Variants in BABAM2 observed in about 807,000 individuals in gnomAD.
BABAM2 encodes BRISC and BRCA1 A complex member 2, also known as BRISC and BRCA1-A complex member 2.
In BABAM2, 31 loss-of-function variants were observed where a neutral mutation model predicts 54.7. The observed-to-expected ratio is 0.57, with a 90% CI of 0.43 to 0.77. The LOEUF is 0.77. Among genes scored for constraint, BABAM2 ranks in the 30% least tolerant of loss-of-function variants. BABAM2 has a pLI of 0.00. For missense variants in BABAM2, 364 were observed against 455.8 expected (o/e 0.80, Z 1.83); for synonymous variants, 167 against 162.9 (o/e 1.03, Z -0.19).
intron 5 of BABAM2, among the ~76,000 whole-genome samples, chr2:28,041,529 C>A (rs147159512): frequency 7.8e-4 from 119 of 152,284 alleles, no homozygotes; most frequent in African/African-American, 2.7e-3. Context: ...TGCACATCCT[C>A]CAGGGGTTTA....
chr2:28,086,135 G>T (rs530938533), intron 6 of BABAM2, among the ~76,000 whole-genome samples: 1 of 152,246 alleles, frequency 6.6e-6, no homozygotes, highest in South Asian at 2.1e-4. Context: ...GACAGGATAT[G>T]CCCAAGTGCA....
At chr2:28,061,516 C>T (rs149640320) in intron 6 of BABAM2, among the ~76,000 whole-genome samples, 5,831 of 143,314 alleles carry the variant, frequency 0.041, 386 homozygotes, top group African/African-American at 0.14. Flanking sequence ...ACCTGGGAGG[C>T]GGAGCTTGCA....
chr2:28,231,337 C>T (rs774169046), intron 7 of BABAM2, among the ~76,000 whole-genome samples: 1 of 152,178 alleles, frequency 6.6e-6, no homozygotes, highest in Non-Finnish European at 1.5e-5. Context: ...TGGCATTCCT[C>T]TACTTTGGAA....
chr2:28,167,377 A>T (rs561406483), intron 7 of BABAM2, among the ~76,000 whole-genome samples: 27 of 152,304 alleles, frequency 1.8e-4, no homozygotes, highest in African/African-American at 6.3e-4. Context: ...CTAAATCTTT[A>T]TTAATAACGG....
intron 10 of BABAM2, among the ~76,000 whole-genome samples, chr2:28,290,524 G>T (rs1687201400): frequency 6.6e-6 from 1 of 152,176 alleles, no homozygotes. Flanking sequence ...GTTCATTGAG[G>T]TTTTAATTTG....
chr2:28,003,850 A>G (rs1039183632), intron 4 of BABAM2, among the ~76,000 whole-genome samples: 16 of 152,196 alleles, frequency 1.1e-4, no homozygotes, highest in African/African-American at 3.9e-4. Context: ...GGCCAAAATG[A>G]CCAAGGACAA....
chr2:28,008,354 C>G (rs1340747401), intron 4 of BABAM2, among the ~76,000 whole-genome samples: 1 of 152,086 alleles, frequency 6.6e-6, no homozygotes, highest in Non-Finnish European at 1.5e-5. Context: ...GCCCTAAAAT[C>G]TCAGTAATCT....
chr2:27,924,955 T>C (rs893972605), intron 2 of BABAM2, among the ~76,000 whole-genome samples: 1 of 152,082 alleles, frequency 6.6e-6, no homozygotes, highest in Non-Finnish European at 1.5e-5. Flanking sequence ...TGAGTGCCAC[T>C]TAGGAGAAAG....
intron 10 of BABAM2, among the ~76,000 whole-genome samples, chr2:28,248,207 C>CTTTTTCTTTTTCTTTTT (rs1553349503): frequency 3.7e-5 from 2 of 54,314 alleles, no homozygotes; most frequent in Non-Finnish European, 7.4e-5. Flanking sequence ...TTTTCTTTTT[C>CTTTTTCTTTTTCTTTTT]TTTTTTTTTT....
intron 6 of BABAM2, among the ~76,000 whole-genome samples, chr2:28,087,143 T>C (rs1314845036): frequency 6.6e-6 from 1 of 152,162 alleles, no homozygotes; most frequent in Non-Finnish European, 1.5e-5. Flanking sequence ...TGGAGGAGTT[T>C]TCAATTTCTC....
chr2:28,274,963 G>C lies in BABAM2; in HGVS notation c.935-23375G>C, dbSNP rs113558399. ...GCATGCTCCAGTAGCTCCACTGCAGGGGGTGGCTGCTTACGAGGACAGAGA... is the reference window on the plus strand; with the variant it reads ...GCATGCTCCAGTAGCTCCACTGCAGCGGGTGGCTGCTTACGAGGACAGAGA... On this transcript the variant is annotated intron_variant, in intron 10 of 11. Coordinates refer to ENST00000379624, the MANE Select transcript of BABAM2 (RefSeq NM_199191.3). 3.3e-5 allele frequency among the ~76,000 whole-genome samples: 5 copies of C among 152,180 alleles called. No homozygotes were observed. In the South Asian group the frequency reaches 6.2e-4, roughly 19 times the overall value.
At chr2:28,273,674 A>G (rs1482357771) in intron 10 of BABAM2, among the ~76,000 whole-genome samples, 2 of 152,066 alleles carry the variant, frequency 1.3e-5, no homozygotes. Flanking sequence ...AGCCGAGATT[A>G]TACCACTGCA....
intron 6 of BABAM2, among the ~76,000 whole-genome samples, chr2:28,113,330 T>C (rs1264642861): frequency 6.6e-6 from 1 of 152,180 alleles, no homozygotes. Flanking sequence ...TTGATTTTTG[T>C]ATAAGGTGTA....
At chr2:27,915,058 G>A (rs1209739238) in intron 2 of BABAM2, among the ~76,000 whole-genome samples, 1 of 151,884 alleles carries the variant, frequency 6.6e-6, no homozygotes, top group Admixed American at 6.6e-5. Context: ...AGGCATGATG[G>A]GCTCCATTAG....
At chr2:27,959,904 A>G (rs962686003) in intron 3 of BABAM2, among the ~76,000 whole-genome samples, 1 of 151,462 alleles carries the variant, frequency 6.6e-6, no homozygotes, top group Non-Finnish European at 1.5e-5. Flanking sequence ...CTCTGGTCAT[A>G]GTTTTATTTT....
At chr2:28,223,292 C>G (rs1441315766) in intron 7 of BABAM2, among the ~76,000 whole-genome samples, 1 of 152,248 alleles carries the variant, frequency 6.6e-6, no homozygotes, top group East Asian at 1.9e-4. Context: ...CTCCTGCTTT[C>G]CAGCTGGTTT....
intron 10 of BABAM2, among the ~76,000 whole-genome samples, chr2:28,292,295 C>T (rs1056270600): frequency 6.6e-6 from 1 of 152,146 alleles, no homozygotes; most frequent in Non-Finnish European, 1.5e-5. Context: ...TTTCAAGGAT[C>T]GAACTGTCCC....
chr2:28,287,440 C>A (rs1357909683), intron 10 of BABAM2, among the ~76,000 whole-genome samples: 1 of 152,174 alleles, frequency 6.6e-6, no homozygotes, highest in Admixed American at 6.5e-5. Flanking sequence ...TTTCTTTGTA[C>A]ATGTCTAGTG....
intron 10 of BABAM2, among the ~76,000 whole-genome samples, chr2:28,275,480 C>G (rs1260076653): frequency 6.6e-6 from 1 of 152,148 alleles, no homozygotes; most frequent in African/African-American, 2.4e-5. Context: ...CTGCTGAGAG[C>G]TGACAATGCC....
Sources: allele counts gnomAD v4.1 joint callset (sites outside exome capture counted in the v4.1 genomes callset), GRCh38; gene constraint gnomAD v4.1.1; transcripts MANE v1.5; gene names NCBI Gene and HGNC (gene_info 2026-07-23, HGNC 2026-07-21).